CNNM3: variants seen among roughly 807,000 people sequenced by gnomAD.
CNNM3 encodes the protein metal transporter CNNM3.
CNNM3 carries 47 observed loss-of-function variants against 57.1 expected under a neutral mutation model. The ratio of observed to expected loss-of-function variants is 0.82; its 90% CI spans 0.65 to 1.05. The LOEUF (loss-of-function observed/expected upper bound fraction) is 1.05. Among genes scored for constraint, CNNM3 ranks in the 50% least tolerant of loss-of-function variants. The pLI is 0.00. For synonymous variants in CNNM3, 507 were observed against 478.2 expected, an observed-to-expected ratio of 1.06 and a Z score of -0.79; for missense variants, 957 against 973.7, an observed-to-expected ratio of 0.98 and a Z score of 0.23.
In CNNM3 at chr2:96,832,578, C is replaced by T. The variant is rs1398889110; in HGVS notation, c.2086C>T (p.Pro696Ser). 6 of 1,614,146 alleles carry T rather than the reference C, an allele frequency of 3.7e-6. No individual in the cohort carries two copies. The South Asian group carries it at 6.6e-5, about 18-fold the overall frequency. The change falls in exon 8 of 8, where the codon CCG (proline) becomes TCG (serine). Residue 696 changes from proline to serine, a missense_variant. Physicochemically the swap from Pro to Ser is moderately conservative, Grantham distance 74. Around this residue, in one of 2 missense-constraint regions of CNNM3, gnomAD observed 491 missense variants for 570.6 expected, o/e 0.86. Coordinates refer to ENST00000305510, the MANE Select transcript of CNNM3 (RefSeq NM_017623.5). ...AGSSHSRPGV[P>S]VEGSPGRNPG... Reference sequence around the variant, plus strand: ...GTCCAGCCACAGCAGGCCCGGCGTCCCGGTGGAAGGCAGCCCTGGGCGGAA... The same window carrying T: ...GTCCAGCCACAGCAGGCCCGGCGTCTCGGTGGAAGGCAGCCCTGGGCGGAA...
At chr2:96,832,492 GGT>G in intron 7 of CNNM3, 58 bp from the exon 8 acceptor site, 2 of 1,609,578 alleles carry the variant, frequency 1.2e-6, no homozygotes, top group Non-Finnish European at 1.7e-6. Flanking sequence ...TTTGGCACTT[GGT>G]TTTGACAGGA....
At chr2:96,837,332 A>G (rs1461657030), downstream of CNNM3, 2 of 152,256 alleles carry the variant, frequency 1.3e-5, no homozygotes, top group East Asian at 3.8e-4. Flanking sequence ...GCAATCCATG[A>G]ACATGGCATG....
downstream of CNNM3, among the ~76,000 whole-genome samples, chr2:96,836,208 A>G (rs369615879): frequency 1.6e-4 from 23 of 141,736 alleles, 2 homozygotes; most frequent in Admixed American, 5.7e-4. Flanking sequence ...TCAGCTCCCC[A>G]TGTAGATGGG....
Position 96,828,205 on chromosome 2 carries a change from G to A in CNNM3, c.1786+10G>A, listed in dbSNP as rs199618472. The A allele has an allele frequency of 1.8e-5, 29 of 1,609,900 alleles. No homozygotes were observed. The African/African-American group carries it at 2.9e-4, about 16-fold the overall frequency. On this transcript the variant is annotated intron_variant, in intron 5 of 7. Coordinates refer to ENST00000305510, the MANE Select transcript of CNNM3 (RefSeq NM_017623.5). Reference sequence around the variant, plus strand: ...ACTGTGCCATCCTCGGGTAAGCCACGGCCCTGCTGATGCTGAGGGCCAGGG... The same window carrying A: ...ACTGTGCCATCCTCGGGTAAGCCACAGCCCTGCTGATGCTGAGGGCCAGGG...
rs767790721 is a variant in CNNM3, at chr2:96,826,932, T to G, written c.1469T>G (p.Val490Gly). 6.2e-7 allele frequency: 1 copy of G among 1,614,206 alleles called. No individual in the cohort carries two copies. The highest frequency in any genetic ancestry group is 2.2e-5 in the East Asian group (1 of 44,880). The stretch of plus-strand genomic sequence containing the variant: ...AAGGTGTCTGATGATGAATATAAAG[T>G]AACAATCTCGCCTCAGCTGCTCTTG... ...LFKVSDDEYK[V>G]TISPQLLLAT... Residue 490 changes from valine to glycine, a missense_variant, in exon 3 of 8, where the codon GTA becomes GGA. Around this residue, in one of 2 missense-constraint regions of CNNM3, gnomAD observed 491 missense variants for 570.6 expected, o/e 0.86. Transcript: ENST00000305510.
In CNNM3 at chr2:96,826,846, G is replaced by A. The variant is rs1167721489; in HGVS notation, c.1383G>A (p.Val461=). 19 of 1,614,216 alleles carry A rather than the reference G, an allele frequency of 1.2e-5. No individual in the cohort carries two copies. The highest frequency in any genetic ancestry group is 1.5e-5 in the Non-Finnish European group (18 of 1,180,028). ...CTTCCATCTTAGGAGACACCGTGGTGAAGAGGAAGCCTGCTTCTCTGATGG... is the reference window on the plus strand; with the variant it reads ...CTTCCATCTTAGGAGACACCGTGGTAAAGAGGAAGCCTGCTTCTCTGATGG... ...DESEDYRDTV[V]KRKPASLMAP... The change falls in exon 3 of 8, where the codon GTG becomes GTA. Residue 461 remains valine, a synonymous_variant. Transcript: ENST00000305510.
At chr2:96,826,772 G>A (rs2079513197) in intron 2 of CNNM3, 61 bp from the exon 3 acceptor site, 5 of 1,599,516 alleles carry the variant, frequency 3.1e-6, no homozygotes, top group Non-Finnish European at 4.3e-6. Flanking sequence ...CAGCCCCTTA[G>A]TGTGGTCGTG....
chr2:96,828,726 G>C, intron 6 of CNNM3, 26 bp downstream of exon 6: 1 of 1,613,322 alleles, frequency 6.2e-7, no homozygotes, highest in Non-Finnish European at 8.5e-7. Context: ...GCTTGTGGGT[G>C]CTGGCTTTAG....
Position 96,826,931 on chromosome 2 carries a change from G to A in CNNM3, c.1468G>A (p.Val490Ile), listed in dbSNP as rs761877252. 2.5e-6 allele frequency: 4 copies of A among 1,614,232 alleles called. No individual in the cohort carries two copies. Among genetic ancestry groups the A allele is most frequent in the Middle Eastern group, 1.7e-4 (1 of 6,060 alleles). ...LFKVSDDEYK[V>I]TISPQLLLAT... is the part of the protein sequence containing the mutation. ...CAAGGTGTCTGATGATGAATATAAA[G>A]TAACAATCTCGCCTCAGCTGCTCTT... Residue 490 changes from valine to isoleucine, a missense_variant, in exon 3 of 8, where the codon GTA (valine) becomes ATA (isoleucine). Physicochemically the swap from Val to Ile is conservative, Grantham distance 29 (BLOSUM62 3). Around this residue, in one of 2 missense-constraint regions of CNNM3, gnomAD observed 491 missense variants for 570.6 expected, o/e 0.86. Coordinates refer to ENST00000305510, the MANE Select transcript of CNNM3 (RefSeq NM_017623.5).
At chr2:96,836,106 C>G (rs1341767604), downstream of CNNM3, among the ~76,000 whole-genome samples, 2 of 128,478 alleles carry the variant, frequency 1.6e-5, no homozygotes, top group East Asian at 5.2e-4. Flanking sequence ...TTTCCTGAGA[C>G]AGAGTCTCAC....
intron 1 of CNNM3, among the ~76,000 whole-genome samples, chr2:96,823,875 C>T (rs2079450174): frequency 6.6e-6 from 1 of 152,168 alleles, no homozygotes; most frequent in South Asian, 2.1e-4. Context: ...TGGGGCTGTG[C>T]TACCTAAAGG....
At chr2:96,828,439 C>G in intron 5 of CNNM3, 128 bp from the exon 6 acceptor site, 2 of 1,200,340 alleles carry the variant, frequency 1.7e-6, no homozygotes, top group Non-Finnish European at 2.4e-6. Flanking sequence ...TCCCAGCTTC[C>G]CATGCACATT....
intron 1 of CNNM3, among the ~76,000 whole-genome samples, chr2:96,820,307 G>A (rs2079387433): frequency 1.3e-5 from 2 of 152,242 alleles, no homozygotes; most frequent in East Asian, 1.9e-4. Context: ...TTCTGGCTGT[G>A]TGGTGGCGGT....
At position 96,817,215 on chromosome 2, in the gene CNNM3, C is replaced by T. The variant is rs1326793109; in HGVS notation, c.938C>T (p.Thr313Ile). 1 of 1,597,836 alleles carries T rather than the reference C, an allele frequency of 6.3e-7. No individual in the cohort carries two copies. The highest frequency in any genetic ancestry group is 8.5e-7 in the Non-Finnish European group (1 of 1,173,998). The change falls in exon 1 of 8, where the codon ACC (threonine) becomes ATC (isoleucine). Residue 313 changes from threonine to isoleucine, a missense_variant. By Grantham distance (89) the Thr-to-Ile change is moderately conservative (BLOSUM62 -1). This residue lies in a region of CNNM3 where 491 missense variants were observed against 570.6 expected (regional missense o/e 0.86). Coordinates refer to ENST00000305510, the MANE Select transcript of CNNM3 (RefSeq NM_017623.5). ...AGCAAGGGCGTGCTGCGCTGCCGGA[C>T]CGTGGAGGACGTGCTCACGCCCCTC... is the stretch of plus-strand genomic sequence containing the variant. ...DLSKGVLRCRTVEDVLTPLED... is the reference protein window; with the variant it reads ...DLSKGVLRCRIVEDVLTPLED...
downstream of CNNM3, among the ~76,000 whole-genome samples, chr2:96,835,798 A>G (rs2079683537): frequency 1.3e-5 from 2 of 152,078 alleles, no homozygotes; most frequent in Non-Finnish European, 2.9e-5. Context: ...CTCACCGGCA[A>G]CCTAGGATGA....
At chr2:96,830,729 A>G (rs1236473668) in intron 7 of CNNM3, among the ~76,000 whole-genome samples, 1 of 152,154 alleles carries the variant, frequency 6.6e-6, no homozygotes, top group African/African-American at 2.4e-5. Flanking sequence ...AGGTCTTGCC[A>G]TGGTGCCCAG....
chr2:96,820,995 C>G (rs769701887), intron 1 of CNNM3, among the ~76,000 whole-genome samples: 2 of 152,116 alleles, frequency 1.3e-5, no homozygotes, highest in Non-Finnish European at 2.9e-5. Context: ...GGGTTGAGTG[C>G]CTCTGCTTGA....
chr2:96,832,025 A>T, intron 7 of CNNM3: 1 of 986,808 alleles, frequency 1.0e-6, no homozygotes. Context: ...TTGATAAATG[A>T]CTGTGGACTA....
In CNNM3 at chr2:96,816,610, C is replaced by T. The variant is rs2079322063; in HGVS notation, c.333C>T (p.Arg111=). The part of the protein sequence containing the change: ...LRLRLRAEAV[R]PHSALLAVRV... ...TGCGCCTGCGGGCCGAGGCCGTGCG[C>T]CCGCACTCGGCGCTGCTGGCGGTGC... Residue 111 remains arginine, a synonymous_variant, in exon 1 of 8, where the codon CGC becomes CGT. Transcript: ENST00000305510. 1 of 1,187,560 alleles carries T rather than the reference C, an allele frequency of 8.4e-7. No individual in the cohort carries two copies. Among genetic ancestry groups the T allele is most frequent in the Non-Finnish European group, 1.0e-6 (1 of 959,870 alleles). The allele number at this position is 1,187,560 out of a possible 1,614,324, so 73.6% of individuals were successfully genotyped here.
Sources: gnomAD v4.1 joint callset for allele counts (sites outside exome capture counted in the v4.1 genomes callset) on GRCh38, gnomAD v4.1.1 for gene constraint, gnomAD v4.1.1 regional missense constraint, MANE v1.5 for transcripts, NCBI Gene and HGNC (gene_info 2026-07-23, HGNC 2026-07-21) for gene names.